The following BRINP3 variants were observed in gnomAD, a reference collection of about 807,000 sequenced individuals.
BRINP3 encodes the protein BMP/retinoic acid-inducible neural-specific protein 3.
In BRINP3, 19 loss-of-function variants were observed where a neutral mutation model predicts 71.0. The observed-to-expected ratio is 0.27, with a 90% CI of 0.19 to 0.39. The LOEUF is 0.39. Ranked by LOEUF, BRINP3 falls within the 10% of genes least tolerant of loss-of-function variation. The probability of loss-of-function intolerance (pLI) is 1.00; values close to 1 mark genes in which losing one functional copy is unlikely to be tolerated. For missense variants in BRINP3, 959 were observed against 940.8 expected (o/e 1.02, Z -0.25); for synonymous variants, 380 against 337.7 (o/e 1.13, Z -1.37).
chr1:190,199,042 T>C (rs763255010), intron 6 of BRINP3, among the ~76,000 whole-genome samples: 5 of 152,120 alleles, frequency 3.3e-5, no homozygotes, highest in Non-Finnish European at 7.3e-5. Flanking sequence ...CTCACAATCA[T>C]GGCAGAAGTC....
intron 7 of BRINP3, among the ~76,000 whole-genome samples, chr1:190,145,858 A>C (rs1655841780): frequency 6.6e-6 from 1 of 152,204 alleles, no homozygotes; most frequent in African/African-American, 2.4e-5. Context: ...CATACCATGG[A>C]ATACTACTCA....
chr1:190,212,723 T>C (rs1225132169), intron 6 of BRINP3, among the ~76,000 whole-genome samples: 1 of 152,076 alleles, frequency 6.6e-6, no homozygotes, highest in Non-Finnish European at 1.5e-5. Flanking sequence ...ACACATTACA[T>C]AAGAGCCAGT....
intron 6 of BRINP3, among the ~76,000 whole-genome samples, chr1:190,197,011 G>A (rs181056415): frequency 1.4e-3 from 215 of 151,372 alleles, no homozygotes; most frequent in Middle Eastern, 3.4e-3. Flanking sequence ...AAAGTCATAG[G>A]AGCGACCTGG....
chr1:190,189,198 G>A (rs1320788831), intron 6 of BRINP3, among the ~76,000 whole-genome samples: 18 of 152,068 alleles, frequency 1.2e-4, no homozygotes. Context: ...TAATTTTTGG[G>A]ACCTGTTTGA....
intron 2 of BRINP3, among the ~76,000 whole-genome samples, chr1:190,341,430 C>T (rs1376592379): frequency 6.6e-6 from 1 of 151,714 alleles, no homozygotes; most frequent in African/African-American, 2.4e-5. Flanking sequence ...TTAAAATGTA[C>T]TTTTCTTTCA....
intron 2 of BRINP3, among the ~76,000 whole-genome samples, chr1:190,342,271 A>G (rs563058188): frequency 6.6e-6 from 1 of 150,952 alleles, no homozygotes; most frequent in Admixed American, 6.7e-5. Context: ...TTCCATCTCC[A>G]AGTTTACTAA....
At chr1:190,311,423 T>C (rs1665508794) in intron 2 of BRINP3, among the ~76,000 whole-genome samples, 2 of 151,604 alleles carry the variant, frequency 1.3e-5, no homozygotes, top group Non-Finnish European at 3.0e-5. Flanking sequence ...AGGAGATATA[T>C]AATCAATTTT....
Position 190,375,463 on chromosome 1 carries a change from C to A in BRINP3, c.236+79192G>T, listed in dbSNP as rs146076859. Among the ~76,000 whole-genome samples the A allele has an allele frequency of 6.6e-3, 1,004 of 151,822 alleles. 5 individuals carry two copies. The highest frequency in any genetic ancestry group is 0.022 in the African/African-American group (895 of 41,478). The stretch of plus-strand genomic sequence containing the variant: ...AGAAATAAAAATATATGTTTATCCC[C>A]AATTAATGTATTCAAAAGCAAAAGG... On this transcript the variant is annotated intron_variant, in intron 2 of 7. Coordinates refer to ENST00000367462, the MANE Select transcript of BRINP3 (RefSeq NM_199051.3).
chr1:190,442,125 C>T (rs1386483836), intron 2 of BRINP3, among the ~76,000 whole-genome samples: 2 of 152,082 alleles, frequency 1.3e-5, no homozygotes, highest in Non-Finnish European at 2.9e-5. Context: ...AATTGATAAA[C>T]ATGGAGATGT....
chr1:190,432,687 G>A, intron 2 of BRINP3, among the ~76,000 whole-genome samples: 1 of 152,144 alleles, frequency 6.6e-6, no homozygotes, highest in African/African-American at 2.4e-5. Flanking sequence ...GGACTAAATA[G>A]AGGCATGATC....
intron 2 of BRINP3, among the ~76,000 whole-genome samples, chr1:190,330,688 C>T (rs1022732669): frequency 6.6e-6 from 1 of 152,046 alleles, no homozygotes; most frequent in Admixed American, 6.6e-5. Context: ...CTCACATGTT[C>T]ATTGTCCCAC....
chr1:190,234,915 A>G (rs1658372244), intron 4 of BRINP3, among the ~76,000 whole-genome samples: 2 of 152,096 alleles, frequency 1.3e-5, no homozygotes, highest in Admixed American at 1.3e-4. Flanking sequence ...TTAAAAATCT[A>G]TATTTTTCCC....
At chr1:190,311,313 C>T (rs1410443799) in intron 2 of BRINP3, among the ~76,000 whole-genome samples, 1 of 151,468 alleles carries the variant, frequency 6.6e-6, no homozygotes, top group East Asian at 1.9e-4. Context: ...AGGAAAGCAT[C>T]CAAGGCTACA....
chr1:190,217,297 A>G (rs1656495725), intron 6 of BRINP3, among the ~76,000 whole-genome samples: 1 of 151,956 alleles, frequency 6.6e-6, no homozygotes, highest in Non-Finnish European at 1.5e-5. Flanking sequence ...TTATTTTCCC[A>G]ATGTAATAGC....
At chr1:190,133,520 G>T (rs1050707451) in intron 7 of BRINP3, among the ~76,000 whole-genome samples, 1 of 151,694 alleles carries the variant, frequency 6.6e-6, no homozygotes, top group Non-Finnish European at 1.5e-5. Flanking sequence ...ATGAGGGAAT[G>T]GATTAAAAAA....
At chr1:190,440,430 G>A (rs921923294) in intron 2 of BRINP3, among the ~76,000 whole-genome samples, 8 of 151,686 alleles carry the variant, frequency 5.3e-5, no homozygotes, top group African/African-American at 1.2e-4. Context: ...TCCGTTCTAC[G>A]GCATATTTAG....
chr1:190,460,216 C>A (rs566314808), intron 1 of BRINP3, among the ~76,000 whole-genome samples: 2 of 150,732 alleles, frequency 1.3e-5, no homozygotes, highest in South Asian at 4.2e-4. Flanking sequence ...ACATATTATT[C>A]TATTAAATCT....
intron 3 of BRINP3, among the ~76,000 whole-genome samples, chr1:190,273,488 TA>T (rs1662290033): frequency 6.6e-6 from 1 of 151,594 alleles, no homozygotes; most frequent in Non-Finnish European, 1.5e-5. Flanking sequence ...CTTGTGCAAC[TA>T]AAATTTTGTG....
intron 2 of BRINP3, among the ~76,000 whole-genome samples, chr1:190,315,437 C>A (rs1665816366): frequency 6.6e-6 from 1 of 152,102 alleles, no homozygotes; most frequent in African/African-American, 2.4e-5. Flanking sequence ...TCAAGGACTG[C>A]AGATAACACC....
Sources: allele counts gnomAD v4.1 joint callset (sites outside exome capture counted in the v4.1 genomes callset), GRCh38; gene constraint gnomAD v4.1.1; transcripts MANE v1.5; gene names NCBI Gene and HGNC (gene_info 2026-07-23, HGNC 2026-07-21).